The following DOCK3 variants were observed in gnomAD, a reference collection of about 807,000 sequenced individuals.
The protein encoded by DOCK3 is dedicator of cytokinesis 3.
In DOCK3, 60 loss-of-function variants were observed where a neutral mutation model predicts 265.6. The ratio of observed to expected loss-of-function variants is 0.23; its 90% confidence interval spans 0.18 to 0.28. The LOEUF (loss-of-function observed/expected upper bound fraction) is 0.28. Among genes scored for constraint, DOCK3 ranks in the 10% least tolerant of loss-of-function variants. The probability of loss-of-function intolerance (pLI) is 1.00; values close to 1 mark genes in which losing one functional copy is unlikely to be tolerated. For synonymous variants in DOCK3, 881 were observed against 938.0 expected (o/e 0.94, Z 1.11); for missense variants, 1,981 against 2,594.3 (o/e 0.76, Z 5.14).
At chr3:50,782,738 GAGCAGTGT>G (rs1375553326) in intron 2 of DOCK3, among the ~76,000 whole-genome samples, 2 of 151,754 alleles carry the variant, frequency 1.3e-5, no homozygotes, top group Non-Finnish European at 2.9e-5. Flanking sequence ...CCCATCACCC[GAGCAGTGT>G]ACACTGTACC....
chr3:50,873,777 G>A lies in DOCK3; in HGVS notation c.163-16249G>A, dbSNP rs535007372. On this transcript the variant is annotated intron_variant, in intron 3 of 52. Coordinates refer to ENST00000266037, the MANE Select transcript of DOCK3 (RefSeq NM_004947.5). Reference sequence around the variant, plus strand: ...GGCTGGTTTAAATGCTTTCTTCATGGGCACACATCAGCCAAATTTATTCTG... The same window carrying A: ...GGCTGGTTTAAATGCTTTCTTCATGAGCACACATCAGCCAAATTTATTCTG... Among the ~76,000 whole-genome samples the A allele has an allele frequency of 1.8e-4, 27 of 152,208 alleles. 1 individual carries two copies. In the South Asian group the frequency reaches 5.4e-3, roughly 30 times the overall value.
chr3:51,144,894 A>C (rs996493720), intron 9 of DOCK3, among the ~76,000 whole-genome samples: 12 of 152,332 alleles, frequency 7.9e-5, no homozygotes, highest in African/African-American at 2.9e-4. Flanking sequence ...TTTTGGAATC[A>C]CATGCTTTGT....
At chr3:51,259,606 A>G (rs1056363607) in intron 22 of DOCK3, among the ~76,000 whole-genome samples, 5 of 152,230 alleles carry the variant, frequency 3.3e-5, no homozygotes, top group African/African-American at 4.8e-5. Context: ...TATCAGGCCT[A>G]TCAGCTGCTG....
At chr3:51,293,702 A>G (rs1188731702) in intron 27 of DOCK3, among the ~76,000 whole-genome samples, 1 of 152,208 alleles carries the variant, frequency 6.6e-6, no homozygotes, top group African/African-American at 2.4e-5. Flanking sequence ...ATATTTGCAA[A>G]TTACATGTCA....
intron 1 of DOCK3, among the ~76,000 whole-genome samples, chr3:50,712,212 C>T (rs904432759): frequency 6.6e-6 from 1 of 152,012 alleles, no homozygotes; most frequent in African/African-American, 2.4e-5. Context: ...AGTTAATTTT[C>T]TATTCTTTTT....
At chr3:50,974,135 T>A (rs2077351395) in intron 5 of DOCK3, among the ~76,000 whole-genome samples, 1 of 151,626 alleles carries the variant, frequency 6.6e-6, no homozygotes, top group Non-Finnish European at 1.5e-5. Flanking sequence ...CAGAAGCTCT[T>A]TAGTTTAATT....
At chr3:51,335,991 CAAA>C (rs560859648) in intron 35 of DOCK3, among the ~76,000 whole-genome samples, 6 of 58,084 alleles carry the variant, frequency 1.0e-4, no homozygotes, top group Admixed American at 2.0e-4. Flanking sequence ...GACCCTGTCT[CAAA>C]AAAAAAAAAA....
intron 5 of DOCK3, among the ~76,000 whole-genome samples, chr3:50,992,029 G>GT (rs2078124720): frequency 6.6e-6 from 1 of 152,152 alleles, no homozygotes; most frequent in Admixed American, 6.5e-5. Context: ...ATATAAGGTA[G>GT]TTTTTTGAAA....
intron 9 of DOCK3, among the ~76,000 whole-genome samples, chr3:51,113,040 CTTGT>C (rs1560078865): frequency 1.3e-5 from 2 of 151,950 alleles, no homozygotes; most frequent in African/African-American, 4.8e-5. Context: ...TAATATTCTT[CTTGT>C]TTATTTATTC....
At chr3:50,901,799 C>T (rs2049215337) in intron 4 of DOCK3, 1 of 412,228 alleles carries the variant, frequency 2.4e-6, no homozygotes, top group Non-Finnish European at 4.9e-6. Context: ...CTGTGGGTTG[C>T]ACCCACTGTC....
intron 3 of DOCK3, among the ~76,000 whole-genome samples, chr3:50,885,366 T>G (rs1182706267): frequency 1.1e-3 from 2 of 1,754 alleles, no homozygotes; most frequent in Non-Finnish European, 1.8e-3. Flanking sequence ...TGTATGCAGT[T>G]TTTTTTTTTT....
chr3:50,873,068 T>C (rs4346541), intron 3 of DOCK3, among the ~76,000 whole-genome samples: 35,758 of 152,062 alleles, frequency 0.24, 5,190 homozygotes, highest in East Asian at 0.4. Context: ...AGAGAAAGCC[T>C]TGTTTCCTTT....
In DOCK3 at chr3:51,218,268, TA is replaced by T. The variant is rs914306568; in HGVS notation, c.1252+4029del. 3.4e-4 allele frequency among the ~76,000 whole-genome samples: 51 copies of T among 151,928 alleles called. No individual in the cohort carries two copies. The South Asian group carries it at 5.2e-3, about 15-fold the overall frequency. On this transcript the variant is annotated intron_variant, in intron 14 of 52. Transcript: ENST00000266037. ...GGCCAATATGGTGAGACCCCATCTC[TA>T]AAAAAAATGCAAAAATTAGCCGGGC...
At chr3:50,998,708 T>C (rs550101064) in intron 5 of DOCK3, among the ~76,000 whole-genome samples, 1 of 152,344 alleles carries the variant, frequency 6.6e-6, no homozygotes, top group East Asian at 1.9e-4. Context: ...GTCCAGATTC[T>C]AAATAAACAA....
At chr3:50,737,372 T>C (rs928697391) in intron 1 of DOCK3, among the ~76,000 whole-genome samples, 1 of 152,060 alleles carries the variant, frequency 6.6e-6, no homozygotes, top group African/African-American at 2.4e-5. Context: ...AACAACCAGA[T>C]CTCATGGGAA....
chr3:51,013,720 C>T (rs577249646), intron 5 of DOCK3, among the ~76,000 whole-genome samples: 24 of 152,236 alleles, frequency 1.6e-4, no homozygotes, highest in African/African-American at 5.3e-4. Context: ...TAGACAGGGA[C>T]GTTTAAGTCT....
intron 27 of DOCK3, among the ~76,000 whole-genome samples, chr3:51,287,178 A>G (rs1054031921): frequency 5.3e-5 from 8 of 152,256 alleles, no homozygotes; most frequent in Non-Finnish European, 1.0e-4. Flanking sequence ...TCAAAAGAGG[A>G]CATACAGCAA....
intron 5 of DOCK3, among the ~76,000 whole-genome samples, chr3:51,059,674 T>A (rs1302040346): frequency 6.6e-6 from 1 of 152,170 alleles, no homozygotes; most frequent in African/African-American, 2.4e-5. Flanking sequence ...ATGATATTGC[T>A]TTTTATTTCT....
intron 4 of DOCK3, among the ~76,000 whole-genome samples, chr3:50,907,036 G>A (rs1030122973): frequency 1.3e-5 from 2 of 152,162 alleles, no homozygotes; most frequent in East Asian, 3.9e-4. Flanking sequence ...TCAGGAGCAG[G>A]TTGTTCAGTT....
Sources: gnomAD v4.1 joint callset for allele counts (sites outside exome capture counted in the v4.1 genomes callset) on GRCh38, gnomAD v4.1.1 for gene constraint, MANE v1.5 for transcripts, NCBI Gene and HGNC (gene_info 2026-07-23, HGNC 2026-07-21) for gene names.